Variants in SLC23A2 observed in about 807,000 individuals in gnomAD.
The protein encoded by SLC23A2 is solute carrier family 23 member 2, also known as Na(+)/L-ascorbic acid transporter 2.
Under a neutral mutation model 73.3 loss-of-function variants are expected in SLC23A2, and 36 were observed. The observed-to-expected ratio is 0.49, with a 90% CI of 0.38 to 0.65. SLC23A2 has a LOEUF of 0.65. Among genes scored for constraint, SLC23A2 ranks in the 30% least tolerant of loss-of-function variants. The probability of loss-of-function intolerance (pLI) is 0.00; values close to 1 mark genes in which losing one functional copy is unlikely to be tolerated. For missense variants in SLC23A2, 507 were observed against 841.6 expected, an observed-to-expected ratio of 0.60 and a Z score of 4.92; for synonymous variants, 343 against 327.3, an observed-to-expected ratio of 1.05 and a Z score of -0.52.
At chr20:4,985,278 G>A (rs2087806618) in intron 1 of SLC23A2, among the ~76,000 whole-genome samples, 1 of 151,958 alleles carries the variant, frequency 6.6e-6, no homozygotes, top group East Asian at 1.9e-4. Flanking sequence ...TTTATAACAG[G>A]CAAATGTGAA....
At chr20:4,978,767 C>T (rs1253931493) in intron 1 of SLC23A2, among the ~76,000 whole-genome samples, 1 of 152,150 alleles carries the variant, frequency 6.6e-6, no homozygotes, top group African/African-American at 2.4e-5. Context: ...TGTGAAGCTA[C>T]ACACATTAAG....
intron 2 of SLC23A2, among the ~76,000 whole-genome samples, chr20:4,939,696 C>T (rs1045581963): frequency 6.6e-6 from 1 of 152,098 alleles, no homozygotes; most frequent in Non-Finnish European, 1.5e-5. Context: ...ATCACCTGGC[C>T]CCTAAAGCCA....
rs537645031 is a variant in SLC23A2, at chr20:4,929,436, C to T, written c.108+3019G>A. On this transcript the variant is annotated intron_variant, in intron 3 of 16. Coordinates refer to ENST00000338244, the MANE Select transcript of SLC23A2 (RefSeq NM_005116.6). ...AGGCAGGCTTCCCCACTCTTCCATG[C>T]CATGGTTGGCAACCCTGGGGAAGAC... Among the ~76,000 whole-genome samples, 8 of 152,282 alleles carry T rather than the reference C, an allele frequency of 5.3e-5. No individual in the cohort carries two copies. The East Asian group carries it at 1.5e-3, about 29-fold the overall frequency.
At chr20:4,923,514 T>C (rs1932568599) in intron 3 of SLC23A2, among the ~76,000 whole-genome samples, 1 of 152,190 alleles carries the variant, frequency 6.6e-6, no homozygotes, top group African/African-American at 2.4e-5. Context: ...AAAACTCTCA[T>C]CTTACAGAAA....
chr20:5,001,751 C>G (rs1173432019), upstream of SLC23A2, among the ~76,000 whole-genome samples: 1 of 151,914 alleles, frequency 6.6e-6, no homozygotes. Context: ...CGCGACCCTT[C>G]CCACCAGTCA....
chr20:4,926,708 G>A (rs975606512), intron 3 of SLC23A2, among the ~76,000 whole-genome samples: 2 of 151,744 alleles, frequency 1.3e-5, no homozygotes. Context: ...TGAGTCCTGG[G>A]GCCTGGCACA....
At chr20:4,980,530 T>G (rs2087709489) in intron 1 of SLC23A2, among the ~76,000 whole-genome samples, 1 of 151,926 alleles carries the variant, frequency 6.6e-6, no homozygotes, top group South Asian at 2.1e-4. Flanking sequence ...TACTTTCTTT[T>G]TCTTTTCTTT....
intron 6 of SLC23A2, 178 bp from the exon 7 acceptor site, chr20:4,886,087 G>C (rs780292646): frequency 1.9e-6 from 1 of 526,084 alleles, no homozygotes; most frequent in Non-Finnish European, 3.4e-6. Context: ...CACAGCCAGT[G>C]GCTTCTTCAT....
chr20:4,974,739 A>C (rs777492055), intron 1 of SLC23A2, among the ~76,000 whole-genome samples: 1 of 152,198 alleles, frequency 6.6e-6, no homozygotes, highest in Non-Finnish European at 1.5e-5. Context: ...TATGCACTTG[A>C]AAATCTTGAT....
In SLC23A2 at chr20:4,868,219, T is replaced by C. The variant is rs930653977; in HGVS notation, c.1251-344A>G. On this transcript the variant is annotated intron_variant, in intron 12 of 16. Transcript: ENST00000338244. This position sits in a 1 kb window ranked among gnomAD's most constrained non-coding sequence, Gnocchi z 4.4. ...CTCCCGAGTAGCTGGGATTACAGGT[T>C]TGCACCACCATGCCTGGCTAATTTT... Among the ~76,000 whole-genome samples the C allele has an allele frequency of 6.6e-6, 1 of 151,850 alleles. No homozygotes were observed. Among genetic ancestry groups the C allele is most frequent in the Non-Finnish European group, 1.5e-5 (1 of 67,940 alleles).
chr20:4,967,196 C>A (rs2087488551), intron 2 of SLC23A2, among the ~76,000 whole-genome samples: 1 of 152,128 alleles, frequency 6.6e-6, no homozygotes, highest in South Asian at 2.1e-4. Flanking sequence ...TATTGATCTG[C>A]AAGTTCCAGT....
Position 4,874,084 on chromosome 20 carries a change from C to T in SLC23A2, c.954G>A (p.Leu318=). The change falls in exon 11 of 17, where the codon CTG becomes CTA. Residue 318 remains leucine, a synonymous_variant. Transcript: ENST00000338244. ...LQLFKMFPII[L]AILVSWLLCF... is the part of the protein sequence containing the mutation. ...AGAGCAGCCAGGATACCAGGATGGC[C>T]AGGATGATCTGGAGTGGTCAAGGGG... 6.2e-7 allele frequency: 1 copy of T among 1,613,152 alleles called. No individual in the cohort carries two copies. Among genetic ancestry groups the T allele is most frequent in the Non-Finnish European group, 8.5e-7 (1 of 1,179,498 alleles).
chr20:4,899,546 C>A lies in SLC23A2; in HGVS notation c.482+9G>T, dbSNP rs1445092203. ...GCTTTGGCATCCCCCATTAGTACCC[C>A]AATCTCACCTGCATCCAAACGTTGT... On this transcript the variant is annotated intron_variant, in intron 6 of 16. Transcript: ENST00000338244. This position sits in a 1 kb window ranked among gnomAD's most constrained non-coding sequence, Gnocchi z 4.9. 6.2e-7 allele frequency: 1 copy of A among 1,613,972 alleles called. No homozygotes were observed. Among genetic ancestry groups the A allele is most frequent in the Non-Finnish European group, 8.5e-7 (1 of 1,179,910 alleles).
At chr20:4,928,132 T>C (rs951307233) in intron 3 of SLC23A2, among the ~76,000 whole-genome samples, 1 of 152,134 alleles carries the variant, frequency 6.6e-6, no homozygotes, top group African/African-American at 2.4e-5. Context: ...CTCAAACCTC[T>C]GGGCTCAAAG....
chr20:4,966,413 A>G (rs548342351), intron 2 of SLC23A2, among the ~76,000 whole-genome samples: 12 of 152,300 alleles, frequency 7.9e-5, no homozygotes, highest in Middle Eastern at 3.4e-3. Flanking sequence ...TGTGCTATCC[A>G]ATGCGGGAGC....
chr20:4,866,470 C>T (rs1930205331), intron 13 of SLC23A2, among the ~76,000 whole-genome samples: 1 of 152,214 alleles, frequency 6.6e-6, no homozygotes, highest in African/African-American at 2.4e-5. Flanking sequence ...CCTCATCTCC[C>T]TGTGCTCAGC....
chr20:4,888,922 G>A (rs1249170435), intron 6 of SLC23A2, among the ~76,000 whole-genome samples: 1 of 152,180 alleles, frequency 6.6e-6, no homozygotes, highest in Non-Finnish European at 1.5e-5. Context: ...AGGGGTGGGT[G>A]GCACCAAATC....
At chr20:4,906,574 C>T (rs1018273004) in intron 4 of SLC23A2, among the ~76,000 whole-genome samples, 4 of 152,178 alleles carry the variant, frequency 2.6e-5, no homozygotes, top group African/African-American at 9.6e-5. Context: ...GAGCCAAGAT[C>T]GTGCCACTGC....
At chr20:5,007,296 C>T (rs1002706471) in intron 1 of SLC23A2, among the ~76,000 whole-genome samples, 4 of 152,028 alleles carry the variant, frequency 2.6e-5, no homozygotes, top group Non-Finnish European at 2.9e-5. Context: ...TCTGGGAGGC[C>T]GACACAGGTG....
Sources: gnomAD v4.1 joint callset for allele counts (sites outside exome capture counted in the v4.1 genomes callset) on GRCh38, gnomAD v4.1.1 for gene constraint, Gnocchi (gnomAD v3.1) non-coding constraint, MANE v1.5 for transcripts, NCBI Gene and HGNC (gene_info 2026-07-23, HGNC 2026-07-21) for gene names.